CAST: variants seen among roughly 807,000 people sequenced by gnomAD.
CAST encodes the protein MIR583 host.
Under a neutral mutation model 119.6 loss-of-function variants are expected in CAST, and 76 were observed. The ratio of observed to expected loss-of-function variants is 0.64; its 90% CI spans 0.53 to 0.77. CAST has a LOEUF of 0.77. Among genes scored for constraint, CAST ranks in the 30% least tolerant of loss-of-function variants. The probability of loss-of-function intolerance (pLI) is 0.00; values close to 1 mark genes in which losing one functional copy is unlikely to be tolerated. For missense variants in CAST, 953 were observed against 946.5 expected (o/e 1.01, Z -0.09); for synonymous variants, 319 against 331.6 (o/e 0.96, Z 0.41).
the CAST span, among the ~76,000 whole-genome samples, chr5:96,157,419 C>CAA: frequency 6.6e-6 from 1 of 152,232 alleles, no homozygotes; most frequent in Non-Finnish European, 1.5e-5. Flanking sequence ...ATTTTGACCA[C>CAA]AGATGTTGTG....
chr5:96,232,218 C>T, the CAST span, among the ~76,000 whole-genome samples: 1 of 151,938 alleles, frequency 6.6e-6, no homozygotes, highest in Admixed American at 6.6e-5. Flanking sequence ...GAACTGATAT[C>T]TCTGGAGGAT....
At chr5:96,442,452 C>A in the CAST span, among the ~76,000 whole-genome samples, 1 of 152,188 alleles carries the variant, frequency 6.6e-6, no homozygotes, top group Non-Finnish European at 1.5e-5. Flanking sequence ...CACTCAGAAG[C>A]CCTATGTTTC....
intron 8 of CAST, 72 bp downstream of exon 8, chr5:96,729,797 T>A: frequency 1.3e-6 from 1 of 747,268 alleles, no homozygotes; most frequent in Non-Finnish European, 2.5e-6. Context: ...CTGTTCACAC[T>A]GAGGTGTGTA....
intron 1 of CAST, among the ~76,000 whole-genome samples, chr5:96,621,628 G>A (rs1048889918): frequency 1.3e-5 from 2 of 152,172 alleles, no homozygotes; most frequent in Non-Finnish European, 2.9e-5. Flanking sequence ...CTGCTCCCGT[G>A]AGCCAATCAC....
intron 1 of CAST, among the ~76,000 whole-genome samples, chr5:96,597,342 G>A (rs566387121): frequency 2.6e-4 from 40 of 152,238 alleles, no homozygotes; most frequent in African/African-American, 6.3e-4. Context: ...ACTCACCTAC[G>A]TGAAATACTA....
chr5:96,410,743 A>T, the CAST span: 3 of 1,537,398 alleles, frequency 2.0e-6, no homozygotes, highest in Non-Finnish European at 2.7e-6. Context: ...TCTCCTAACT[A>T]AGCAGAGAGA....
the CAST span, among the ~76,000 whole-genome samples, chr5:95,992,478 G>C: frequency 6.6e-6 from 1 of 151,658 alleles, no homozygotes; most frequent in African/African-American, 2.4e-5. Flanking sequence ...AACCAAACTG[G>C]GGGACATTGC....
chr5:96,716,000 G>A (rs545390233), intron 3 of CAST, among the ~76,000 whole-genome samples: 12 of 152,220 alleles, frequency 7.9e-5, no homozygotes, highest in African/African-American at 2.9e-4. Context: ...TCTATTGCAG[G>A]TCTCTTTAAA....
chr5:96,168,387 G>A, the CAST span, among the ~76,000 whole-genome samples: 1 of 152,198 alleles, frequency 6.6e-6, no homozygotes, highest in African/African-American at 2.4e-5. Context: ...CTTGTGTAGT[G>A]AGGAAACCTC....
chr5:96,272,816 T>A, the CAST span, among the ~76,000 whole-genome samples: 3 of 152,308 alleles, frequency 2.0e-5, no homozygotes, highest in East Asian at 5.8e-4. Context: ...ACTGATTTGA[T>A]CATTACAAAT....
At chr5:96,425,012 G>GAAAGA in the CAST span, among the ~76,000 whole-genome samples, 1 of 19,738 alleles carries the variant, frequency 5.1e-5, no homozygotes. Flanking sequence ...AGAAAGAAAA[G>GAAAGA]AAAGAAAGAA....
intron 1 of CAST, among the ~76,000 whole-genome samples, chr5:96,672,006 AGGGCAAT>A (rs1252932038): frequency 6.6e-6 from 1 of 152,232 alleles, no homozygotes; most frequent in Non-Finnish European, 1.5e-5. Context: ...ATAAATGATC[AGGGCAAT>A]GGTTAATTGA....
chr5:96,279,539 C>A, the CAST span, among the ~76,000 whole-genome samples: 2 of 152,188 alleles, frequency 1.3e-5, no homozygotes, highest in African/African-American at 4.8e-5. Context: ...CCACAGAATT[C>A]CAAACAACGT....
At chr5:96,263,997 G>A in the CAST span, among the ~76,000 whole-genome samples, 1 of 152,194 alleles carries the variant, frequency 6.6e-6, no homozygotes. Context: ...TTGACATGTG[G>A]AGATTATAAT....
the CAST span, chr5:96,432,286 T>A: frequency 1.5e-6 from 1 of 654,290 alleles, no homozygotes; most frequent in South Asian, 1.9e-5. Flanking sequence ...CCCAGGCTAC[T>A]CCGCGGCCTC....
chr5:96,528,205 G>T (rs1398960633), upstream of CAST, among the ~76,000 whole-genome samples: 1 of 152,138 alleles, frequency 6.6e-6, no homozygotes, highest in African/African-American at 2.4e-5. Context: ...TCAAATCTAG[G>T]TGGTCTGACT....
At chr5:96,274,148 T>C in the CAST span, among the ~76,000 whole-genome samples, 40 of 151,696 alleles carry the variant, frequency 2.6e-4, no homozygotes, top group Non-Finnish European at 2.2e-4. Flanking sequence ...GACGCCTAGG[T>C]TGGAGTGCAG....
the CAST span, among the ~76,000 whole-genome samples, chr5:96,029,746 G>A: frequency 6.6e-6 from 1 of 152,084 alleles, no homozygotes; most frequent in Non-Finnish European, 1.5e-5. Flanking sequence ...GGAGCAACCT[G>A]TATGATGAAA....
chr5:96,172,070 G>A, the CAST span, among the ~76,000 whole-genome samples: 1 of 152,240 alleles, frequency 6.6e-6, no homozygotes, highest in African/African-American at 2.4e-5. Context: ...TCTCAAAAGA[G>A]AGTCAGTGAA....
Sources: gnomAD v4.1 joint callset for allele counts (sites outside exome capture counted in the v4.1 genomes callset) on GRCh38, gnomAD v4.1.1 for gene constraint, MANE v1.5 for transcripts, NCBI Gene and HGNC (gene_info 2026-07-23, HGNC 2026-07-21) for gene names.